The following DNAAF11 variants were observed in gnomAD, a reference collection of about 807,000 sequenced individuals.
DNAAF11 encodes dynein axonemal assembly factor 11.
Under a neutral mutation model 60.8 loss-of-function variants are expected in DNAAF11, and 45 were observed. That is an observed-to-expected ratio of 0.74 (90% CI 0.58 to 0.95). The LOEUF is 0.95. Ranked by LOEUF, DNAAF11 falls within the 40% of genes least tolerant of loss-of-function variation. The pLI is 0.00. For synonymous variants in DNAAF11, 191 were observed against 183.5 expected, an observed-to-expected ratio of 1.04 and a Z score of -0.33; for missense variants, 546 against 546.2, an observed-to-expected ratio of 1.00 and a Z score of 0.00.
In DNAAF11 at chr8:132,637,863, A is replaced by C. The variant is rs1821453563; in HGVS notation, c.429+72T>G. ...AAGCAACACATTCACTGTTGCTGCC[A>C]GTAAAGCAGGAATTATTGTAGTTGC... On this transcript the variant is annotated intron_variant, in intron 4 of 11. Transcript: ENST00000620350. 4 of 1,323,280 alleles carry C rather than the reference A, an allele frequency of 3.0e-6. No individual in the cohort carries two copies. In the South Asian group the frequency reaches 5.8e-5, roughly 19 times the overall value. The allele number at this position is 1,323,280 out of a possible 1,614,324, so 82.0% of individuals were successfully genotyped here.
intron 11 of DNAAF11, among the ~76,000 whole-genome samples, chr8:132,576,028 C>T (rs769420566): frequency 4.6e-5 from 7 of 152,248 alleles, no homozygotes; most frequent in Admixed American, 1.3e-4. Flanking sequence ...TTTTTCTTTT[C>T]GCTTTGAGAT....
intron 1 of DNAAF11, among the ~76,000 whole-genome samples, chr8:132,671,000 G>A (rs779561222): frequency 2.0e-5 from 3 of 151,948 alleles, no homozygotes; most frequent in Admixed American, 6.6e-5. Context: ...ACATTATATC[G>A]AGCAGAGAAA....
upstream of DNAAF11, among the ~76,000 whole-genome samples, chr8:132,678,216 G>A (rs1458386798): frequency 6.6e-6 from 1 of 152,208 alleles, no homozygotes; most frequent in Admixed American, 6.5e-5. Context: ...ATCCCCTTAA[G>A]CTAAGTAATC....
rs1244180955 is a variant in DNAAF11, at chr8:132,638,103, A to G, written c.261T>C (p.Cys87=). The change falls in exon 4 of 12, where the codon TGT becomes TGC. Residue 87 remains cysteine (C), a synonymous_variant. Coordinates refer to ENST00000620350, the MANE Select transcript of DNAAF11 (RefSeq NM_012472.6). ...NIEKIENLEG[C]EELAKLDLTV... ...TCAGGTCAAGTTTTGCCAGCTCTTCACATCCTGTTGAGAAAAATAAAGTGA... is the reference window on the plus strand; with the variant it reads ...TCAGGTCAAGTTTTGCCAGCTCTTCGCATCCTGTTGAGAAAAATAAAGTGA... 6.2e-7 allele frequency: 1 copy of G among 1,612,866 alleles called. No individual in the cohort carries two copies. Among genetic ancestry groups the G allele is most frequent in the Non-Finnish European group, 8.5e-7 (1 of 1,179,604 alleles).
chr8:132,654,396 G>A (rs1823328567), intron 3 of DNAAF11, among the ~76,000 whole-genome samples: 1 of 151,806 alleles, frequency 6.6e-6, no homozygotes, highest in African/African-American at 2.4e-5. Flanking sequence ...AAATAGAAGA[G>A]TAGGAAAGAA....
intron 3 of DNAAF11, among the ~76,000 whole-genome samples, chr8:132,646,677 A>G (rs1822423660): frequency 6.6e-6 from 1 of 152,166 alleles, no homozygotes; most frequent in South Asian, 2.1e-4. Flanking sequence ...ACAAAACAAA[A>G]AGCAAGGGTT....
In DNAAF11 at chr8:132,576,570, T is replaced by C. The variant is rs74595024; in HGVS notation, c.1227-4090A>G. 4.9e-3 allele frequency among the ~76,000 whole-genome samples: 743 copies of C among 152,292 alleles called. 12 individuals are homozygous for C. The highest frequency in any genetic ancestry group is 0.017 in the African/African-American group (715 of 41,568). On this transcript the variant is annotated intron_variant, in intron 11 of 11. Coordinates refer to ENST00000620350, the MANE Select transcript of DNAAF11 (RefSeq NM_012472.6). ...TGTTGTTTTTAATCATCTCTCAACA[T>C]AAGTTGGGTATCCCTAATCTGAAGT...
chr8:132,653,559 G>T (rs1166731658), intron 3 of DNAAF11, among the ~76,000 whole-genome samples: 1 of 151,958 alleles, frequency 6.6e-6, no homozygotes, highest in Admixed American at 6.6e-5. Flanking sequence ...GCTGCAAAAA[G>T]AAATAATTAT....
chr8:132,680,151 C>T (rs1199506639), upstream of DNAAF11, among the ~76,000 whole-genome samples: 1 of 152,276 alleles, frequency 6.6e-6, no homozygotes, highest in African/African-American at 2.4e-5. Flanking sequence ...GGGAGGACAA[C>T]TGGGAAATCA....
the DNAAF11 span, among the ~76,000 whole-genome samples, chr8:132,700,824 GC>G: frequency 6.6e-6 from 1 of 152,182 alleles, no homozygotes; most frequent in Non-Finnish European, 1.5e-5. Flanking sequence ...AGGAGTGATT[GC>G]CCAAAGAAAA....
chr8:132,640,203 T>C (rs1821720789), intron 3 of DNAAF11, among the ~76,000 whole-genome samples: 1 of 152,222 alleles, frequency 6.6e-6, no homozygotes, highest in Admixed American at 6.5e-5. Context: ...ACAGCGATAC[T>C]ACTCTCTCCT....
chr8:132,686,133 G>T, the DNAAF11 span, among the ~76,000 whole-genome samples: 2 of 152,188 alleles, frequency 1.3e-5, no homozygotes, highest in African/African-American at 4.8e-5. Flanking sequence ...TATTTGGGTA[G>T]TCAAAGAAGG....
intron 1 of DNAAF11, among the ~76,000 whole-genome samples, chr8:132,663,974 A>C (rs766994390): frequency 3.9e-5 from 6 of 152,254 alleles, no homozygotes; most frequent in South Asian, 2.1e-4. Context: ...AGAAAAGGGA[A>C]GAGTGGGCCA....
intron 10 of DNAAF11, chr8:132,608,376 T>C (rs539635455): frequency 2.8e-6 from 1 of 357,642 alleles, no homozygotes; most frequent in African/African-American, 2.1e-5. Flanking sequence ...ATATAAATTA[T>C]TTCATCTCCA....
At chr8:132,693,271 A>G in the DNAAF11 span, among the ~76,000 whole-genome samples, 1 of 152,180 alleles carries the variant, frequency 6.6e-6, no homozygotes, top group African/African-American at 2.4e-5. Flanking sequence ...ACAACGGAAA[A>G]ATGGAGGGAG....
chr8:132,641,162 TG>T (rs1821815153), intron 3 of DNAAF11, among the ~76,000 whole-genome samples: 1 of 152,148 alleles, frequency 6.6e-6, no homozygotes, highest in South Asian at 2.1e-4. Context: ...CATGGAAGTA[TG>T]ATGAGGAATA....
chr8:132,678,407 C>T (rs566560275), upstream of DNAAF11, among the ~76,000 whole-genome samples: 3 of 152,352 alleles, frequency 2.0e-5, no homozygotes, highest in South Asian at 2.1e-4. Flanking sequence ...AAGCAACTTT[C>T]GTAGTCACCC....
the DNAAF11 span, among the ~76,000 whole-genome samples, chr8:132,692,642 T>G: frequency 5.8e-4 from 89 of 152,316 alleles, no homozygotes; most frequent in Middle Eastern, 6.8e-3. Flanking sequence ...TCTGACCCAG[T>G]GCCTTGTGAA....
At chr8:132,579,902 C>A (rs961508726) in intron 11 of DNAAF11, among the ~76,000 whole-genome samples, 1 of 151,932 alleles carries the variant, frequency 6.6e-6, no homozygotes, top group African/African-American at 2.4e-5. Flanking sequence ...GGGGCTGAGG[C>A]ACAAGAATCG....
Sources: gnomAD v4.1 joint callset for allele counts (sites outside exome capture counted in the v4.1 genomes callset) on GRCh38, gnomAD v4.1.1 for gene constraint, MANE v1.5 for transcripts, NCBI Gene and HGNC (gene_info 2026-07-23, HGNC 2026-07-21) for gene names.